EML5: variants seen among roughly 807,000 people sequenced by gnomAD.
EML5 encodes EMAP like 5.
EML5 carries 120 observed loss-of-function variants against 250.0 expected under a neutral mutation model. The ratio of observed to expected loss-of-function variants is 0.48; its 90% CI spans 0.41 to 0.56. The LOEUF is 0.56. EML5 is among the 20% of genes least tolerant of loss of function. The pLI is 0.00. For synonymous variants in EML5, 771 were observed against 806.5 expected, an observed-to-expected ratio of 0.96 and a Z score of 0.75; for missense variants, 2,006 against 2,437.6, an observed-to-expected ratio of 0.82 and a Z score of 3.73.
intron 1 of EML5, among the ~76,000 whole-genome samples, chr14:88,791,756 C>T (rs901572167): frequency 6.6e-6 from 1 of 152,112 alleles, no homozygotes; most frequent in African/African-American, 2.4e-5. Flanking sequence ...AGTGAATTGC[C>T]TGGAGGTTGC....
chr14:88,728,970 TTACTA>T (rs2093710336), intron 7 of EML5, among the ~76,000 whole-genome samples: 1 of 152,170 alleles, frequency 6.6e-6, no homozygotes, highest in South Asian at 2.1e-4. Context: ...TTTAAAATTG[TTACTA>T]GTTTATAGGA....
At chr14:88,706,016 ATAAC>A in intron 11 of EML5, 1 of 545,994 alleles carries the variant, frequency 1.8e-6, no homozygotes, top group Non-Finnish European at 3.2e-6. Context: ...TGCTATTAAT[ATAAC>A]TGTTTCTTCA....
chr14:88,618,669 G>A lies in EML5; in HGVS notation c.5519C>T (p.Ala1840Val), dbSNP rs1361817045. The change falls in exon 40 of 44, where the codon GCA becomes GTA. Residue 1840 changes from alanine (A) to valine (V), a missense_variant. Ala to Val is a moderately conservative substitution (Grantham distance 64). Coordinates refer to ENST00000554922, the MANE Select transcript of EML5 (RefSeq NM_183387.3). ...PSFVIQMDFSADSSYLQVSSG... is the reference protein window; with the variant it reads ...PSFVIQMDFSVDSSYLQVSSG... ...CTGTACCTGGAGATAACTGCTATCT[G>A]CAGAGAAGTCCATTTGAATGACAAA... 3 of 1,612,844 alleles carry A rather than the reference G, an allele frequency of 1.9e-6. No individual in the cohort carries two copies. The highest frequency in any genetic ancestry group is 2.7e-5 in the African/African-American group (2 of 74,908).
At chr14:88,714,903 G>C in intron 9 of EML5, 36 bp downstream of exon 9, 2 of 1,586,230 alleles carry the variant, frequency 1.3e-6, no homozygotes, top group South Asian at 1.1e-5. Flanking sequence ...ATATTGTATA[G>C]GTACTACAAA....
rs1223002987 is a variant in EML5 at position 88,792,228 on chromosome 14, C to T, written c.197+79G>A. 2 of 1,503,872 alleles carry T rather than the reference C, an allele frequency of 1.3e-6. No homozygotes were observed. The highest frequency in any genetic ancestry group is 2.5e-5 in the South Asian group (2 of 81,398). 93.2% of individuals were successfully genotyped at this position (1,503,872 alleles called of 1,614,324 possible). On this transcript the variant is annotated intron_variant, in intron 1 of 43. Transcript: ENST00000554922. This position sits in a 1 kb window ranked among gnomAD's most constrained non-coding sequence, Gnocchi z 6.9. ...GTGATGCTCCGTGCAGGAGCGGTCA[C>T]GGCGTCCAGAGGAACCCGCGGGTGC...
intron 26 of EML5, 132 bp from the exon 27 acceptor site, chr14:88,657,634 C>T (rs1595399872): frequency 9.9e-6 from 8 of 809,748 alleles, no homozygotes; most frequent in African/African-American, 1.8e-5. Flanking sequence ...AAGTAATATA[C>T]AACCAGAAAA....
At chr14:88,647,119 T>C (rs770970082) in intron 28 of EML5, among the ~76,000 whole-genome samples, 164 bp from the exon 29 acceptor site, 6 of 152,160 alleles carry the variant, frequency 3.9e-5, no homozygotes, top group Non-Finnish European at 8.8e-5. Context: ...TCCCAGCACT[T>C]TGGGAGCCCA....
intron 40 of EML5, 21 bp from the exon 41 acceptor site, chr14:88,618,352 G>A (rs1238991351): frequency 6.2e-7 from 1 of 1,603,666 alleles, no homozygotes; most frequent in African/African-American, 1.3e-5. Flanking sequence ...AGATTAAAAT[G>A]GGACAAGAAT....
chr14:88,637,839 G>A (rs532455429), intron 32 of EML5, among the ~76,000 whole-genome samples: 27 of 152,190 alleles, frequency 1.8e-4, no homozygotes, highest in African/African-American at 5.5e-4. Context: ...CTAGACCTAT[G>A]TATTTATATG....
intron 27 of EML5, among the ~76,000 whole-genome samples, chr14:88,652,694 C>A (rs1298100802): frequency 6.6e-6 from 1 of 152,178 alleles, no homozygotes; most frequent in Admixed American, 6.6e-5. Flanking sequence ...TCTGTTCCTT[C>A]TTACTGTTTC....
chr14:88,764,044 T>C (rs1418791434), intron 1 of EML5, among the ~76,000 whole-genome samples: 1 of 152,228 alleles, frequency 6.6e-6, no homozygotes, highest in East Asian at 1.9e-4. Context: ...TTACACTGAT[T>C]AATTTTTAAA....
chr14:88,662,398 C>A (rs2092147273), intron 24 of EML5, among the ~76,000 whole-genome samples: 1 of 118,180 alleles, frequency 8.5e-6, no homozygotes, highest in African/African-American at 3.2e-5. Context: ...TGCCAACAAA[C>A]TTCTTAGGCA....
rs1190578190 is a variant in EML5 at position 88,621,029 on chromosome 14, GTTCT to G, written c.5202+80_5202+83del. On this transcript the variant is annotated intron_variant, in intron 38 of 43. Transcript: ENST00000554922. ...CAAAATGCTCAACAGAATTCTGGCA[GTTCT>G]TTAAGTACTAGCAATTTAGAACTTC... 4.0e-6 allele frequency: 6 copies of G among 1,485,454 alleles called. No individual in the cohort carries two copies. In the East Asian group the frequency reaches 7.4e-5, roughly 18 times the overall value. 92.0% of individuals were successfully genotyped at this position (1,485,454 alleles called of 1,614,324 possible). A position where few individuals can be genotyped will look rare whatever the true frequency, so the allele number is the denominator to read the frequency against.
At chr14:88,695,265 T>C in intron 16 of EML5, 96 bp downstream of exon 16, 7 of 856,320 alleles carry the variant, frequency 8.2e-6, no homozygotes, top group Non-Finnish European at 1.3e-5. Context: ...AAAAGTTACA[T>C]ATTTGCTTGA....
At chr14:88,790,826 T>C (rs1188047770) in intron 1 of EML5, among the ~76,000 whole-genome samples, 1 of 152,132 alleles carries the variant, frequency 6.6e-6, no homozygotes, top group Non-Finnish European at 1.5e-5. Flanking sequence ...ACTAAGAAGA[T>C]AAATAATTAC....
At position 88,702,738 on chromosome 14, in the gene EML5, C is replaced by T. The variant is rs1025234286; in HGVS notation, c.2052-106G>A. 6.1e-6 allele frequency: 5 copies of T among 813,994 alleles called. No homozygotes were observed. In the South Asian group the frequency reaches 1.3e-4, roughly 22 times the overall value. 50.4% of individuals were successfully genotyped at this position (813,994 alleles called of 1,614,324 possible). Reference sequence around the variant, plus strand: ...ACCCTTTGGGTGAATCATTCAATTTCCAGTTTTACAGGATACTAAACAATT... The same window carrying T: ...ACCCTTTGGGTGAATCATTCAATTTTCAGTTTTACAGGATACTAAACAATT... On this transcript the variant is annotated intron_variant, in intron 13 of 43. Transcript: ENST00000554922.
At chr14:88,667,209 T>G (rs1285984592) in intron 21 of EML5, among the ~76,000 whole-genome samples, 1 of 152,214 alleles carries the variant, frequency 6.6e-6, no homozygotes, top group Non-Finnish European at 1.5e-5. Flanking sequence ...ATATGAATCC[T>G]TTTCAGGAGC....
intron 10 of EML5, among the ~76,000 whole-genome samples, chr14:88,707,525 G>C (rs559495209): frequency 2.0e-5 from 3 of 152,002 alleles, no homozygotes; most frequent in African/African-American, 4.8e-5. Context: ...ATGATGCTTA[G>C]CTTCCTTTTG....
chr14:88,649,062 C>T (rs1194871959), intron 28 of EML5, among the ~76,000 whole-genome samples: 1 of 151,816 alleles, frequency 6.6e-6, no homozygotes, highest in Non-Finnish European at 1.5e-5. Context: ...CAGGGTCTTG[C>T]TGTGTTGCCC....
Sources: gnomAD v4.1 joint callset for allele counts (sites outside exome capture counted in the v4.1 genomes callset) on GRCh38, gnomAD v4.1.1 for gene constraint, Gnocchi (gnomAD v3.1) non-coding constraint, MANE v1.5 for transcripts, NCBI Gene and HGNC (gene_info 2026-07-23, HGNC 2026-07-21) for gene names.